FGF14: variants seen among roughly 807,000 people sequenced by gnomAD.
FGF14 encodes the protein fibroblast growth factor 14.
FGF14 carries 5 observed loss-of-function variants against 25.5 expected under a neutral mutation model. That is an observed-to-expected ratio of 0.20 (90% CI 0.10 to 0.41). FGF14 has a LOEUF of 0.41. Ranked by LOEUF, FGF14 falls within the 10% of genes least tolerant of loss-of-function variation. The pLI is 1.00. For synonymous variants in FGF14, 138 were observed against 118.3 expected, an observed-to-expected ratio of 1.17 and a Z score of -1.08; for missense variants, 222 against 320.1, an observed-to-expected ratio of 0.69 and a Z score of 2.34.
At chr13:102,076,683 T>C (rs1817252) in intron 1 of FGF14, among the ~76,000 whole-genome samples, 5,309 of 152,164 alleles carry the variant, frequency 0.035, 295 homozygotes, top group African/African-American at 0.12. Flanking sequence ...TGAACATGGA[T>C]TGGAAAAATT....
chr13:102,142,290 C>A (rs1221585773), intron 1 of FGF14, among the ~76,000 whole-genome samples: 1 of 151,988 alleles, frequency 6.6e-6, no homozygotes, highest in Non-Finnish European at 1.5e-5. Flanking sequence ...ACAAATGTAG[C>A]ACTGTGGTAA....
intron 1 of FGF14, among the ~76,000 whole-genome samples, chr13:102,254,599 C>T (rs1025845028): frequency 1.3e-5 from 2 of 152,200 alleles, no homozygotes; most frequent in South Asian, 2.1e-4. Flanking sequence ...TGGTCCTCGT[C>T]GTTGGTACAG....
intron 1 of FGF14, chr13:102,293,020 A>C (rs2054510610): frequency 6.6e-6 from 1 of 152,276 alleles, no homozygotes; most frequent in Admixed American, 6.5e-5. Flanking sequence ...TCGATGATTA[A>C]GGAAAGCAAG....
intron 1 of FGF14, among the ~76,000 whole-genome samples, chr13:102,114,693 T>C (rs2045386529): frequency 6.6e-6 from 1 of 152,142 alleles, no homozygotes; most frequent in African/African-American, 2.4e-5. Context: ...TGGATGAGCC[T>C]TGAGAACATT....
chr13:102,295,917 C>T (rs2054683904), intron 1 of FGF14, among the ~76,000 whole-genome samples: 1 of 152,024 alleles, frequency 6.6e-6, no homozygotes, highest in Admixed American at 6.6e-5. Flanking sequence ...TCCTGAGTTC[C>T]CTATCCATCC....
intron 1 of FGF14, among the ~76,000 whole-genome samples, chr13:102,353,693 C>CT (rs2057350744): frequency 6.6e-6 from 1 of 152,196 alleles, no homozygotes; most frequent in Admixed American, 6.5e-5. Flanking sequence ...CTACCTCCCA[C>CT]TTAGACTACT....
At chr13:101,730,514 T>C in intron 3 of FGF14, among the ~76,000 whole-genome samples, 1 of 152,212 alleles carries the variant, frequency 6.6e-6, no homozygotes, top group Admixed American at 6.5e-5. Flanking sequence ...TTTCTTGGCA[T>C]GAATTTTTAA....
chr13:102,345,404 T>G lies in FGF14; in HGVS notation c.208+56067A>C, dbSNP rs2057075800. Among the ~76,000 whole-genome samples, 3 of 151,958 alleles carry G rather than the reference T, an allele frequency of 2.0e-5. No homozygotes were observed. In the South Asian group the frequency reaches 6.2e-4, roughly 32 times the overall value. ...TTTGGCATGTCCTCCCATTCTTTTT[T>G]TAAAAAACAGTGCTGTCCCAAGGGA... is the stretch of plus-strand genomic sequence containing the variant. On this transcript the variant is annotated intron_variant, in intron 1 of 4. Coordinates refer to the FGF14 transcript ENST00000376131.
chr13:101,900,400 A>G (rs554485189), intron 1 of FGF14, among the ~76,000 whole-genome samples: 202 of 152,282 alleles, frequency 1.3e-3, no homozygotes, highest in Non-Finnish European at 2.3e-3. Flanking sequence ...CTTCTTTGAA[A>G]AAGACTAAAT....
At chr13:102,396,946 A>G (rs2058599553) in intron 1 of FGF14, among the ~76,000 whole-genome samples, 2 of 152,186 alleles carry the variant, frequency 1.3e-5, no homozygotes, top group African/African-American at 2.4e-5. Flanking sequence ...CTAATACTAC[A>G]TTGAATCCCA....
intron 3 of FGF14, among the ~76,000 whole-genome samples, chr13:101,764,515 G>T (rs2038255507): frequency 6.6e-6 from 1 of 152,186 alleles, no homozygotes; most frequent in African/African-American, 2.4e-5. Flanking sequence ...CACAAGTGTT[G>T]CAGAAAAGGG....
At chr13:101,973,908 C>T (rs928156717) in intron 1 of FGF14, among the ~76,000 whole-genome samples, 2 of 152,200 alleles carry the variant, frequency 1.3e-5, no homozygotes, top group Non-Finnish European at 2.9e-5. Flanking sequence ...TGATGTTATT[C>T]AGTTTATTTG....
chr13:102,024,247 G>A (rs750619385), intron 1 of FGF14, among the ~76,000 whole-genome samples: 26 of 151,940 alleles, frequency 1.7e-4, no homozygotes, highest in Non-Finnish European at 2.8e-4. Flanking sequence ...TGCCAGCAAC[G>A]CATGAGGATT....
At chr13:101,866,009 T>G (rs2044681336) in intron 3 of FGF14, among the ~76,000 whole-genome samples, 1 of 152,182 alleles carries the variant, frequency 6.6e-6, no homozygotes, top group East Asian at 1.9e-4. Context: ...AGTTCAAAAC[T>G]TCTTAGTTGG....
chr13:102,283,423 G>A (rs2053944406), intron 1 of FGF14, among the ~76,000 whole-genome samples: 1 of 152,134 alleles, frequency 6.6e-6, no homozygotes, highest in Non-Finnish European at 1.5e-5. Context: ...GGTACATGCT[G>A]GGCTAAAGAC....
At chr13:101,741,920 G>C (rs998288071) in intron 3 of FGF14, among the ~76,000 whole-genome samples, 1 of 152,176 alleles carries the variant, frequency 6.6e-6, no homozygotes, top group Non-Finnish European at 1.5e-5. Context: ...CTAGGGGAAT[G>C]AGTGGTCCCT....
intron 2 of FGF14, 84 bp from the exon 3 acceptor site, chr13:101,868,912 T>A: frequency 1.1e-6 from 1 of 874,360 alleles, no homozygotes; most frequent in Non-Finnish European, 1.9e-6. Flanking sequence ...TTATTTTATT[T>A]AAGAAACATC....
chr13:101,847,597 G>T (rs1326124838), intron 3 of FGF14, among the ~76,000 whole-genome samples: 1 of 152,042 alleles, frequency 6.6e-6, no homozygotes, highest in Non-Finnish European at 1.5e-5. Context: ...TGGGGTGATT[G>T]ATGGAAATCA....
intron 1 of FGF14, among the ~76,000 whole-genome samples, chr13:102,135,078 T>G (rs1258072103): frequency 6.6e-6 from 1 of 151,096 alleles, no homozygotes; most frequent in Non-Finnish European, 1.5e-5. Context: ...CGTGGTGGTG[T>G]GCACCAATAA....
Sources: gnomAD v4.1 joint callset for allele counts (sites outside exome capture counted in the v4.1 genomes callset) on GRCh38, gnomAD v4.1.1 for gene constraint, MANE v1.5 for transcripts, NCBI Gene and HGNC (gene_info 2026-07-23, HGNC 2026-07-21) for gene names.